TTC28: variants seen among roughly 807,000 people sequenced by gnomAD.
TTC28 encodes tetratricopeptide repeat domain 28, also known as tetratricopeptide repeat protein 28.
TTC28 carries 61 observed loss-of-function variants against 198.0 expected under a neutral mutation model. The ratio of observed to expected loss-of-function variants is 0.31; its 90% CI spans 0.25 to 0.38. The LOEUF is 0.38. TTC28 is among the 10% of genes least tolerant of loss of function. The pLI is 1.00. For synonymous variants in TTC28, 1,171 were observed against 1,297.8 expected (o/e 0.90, Z 2.10); for missense variants, 2,678 against 3,164.0 (o/e 0.85, Z 3.69).
At chr22:28,410,928 T>A (rs1372530182) in intron 2 of TTC28, among the ~76,000 whole-genome samples, 1 of 152,186 alleles carries the variant, frequency 6.6e-6, no homozygotes, top group Non-Finnish European at 1.5e-5. Flanking sequence ...ATATTTTTCA[T>A]TAATAATTCT....
At chr22:28,111,044 T>C (rs531807357) in intron 6 of TTC28, among the ~76,000 whole-genome samples, 6 of 152,254 alleles carry the variant, frequency 3.9e-5, no homozygotes, top group African/African-American at 7.2e-5. Flanking sequence ...TTTAGTAGCA[T>C]TGTGTATAGA....
intron 6 of TTC28, among the ~76,000 whole-genome samples, chr22:28,143,722 G>A (rs942409377): frequency 6.6e-5 from 10 of 152,068 alleles, no homozygotes; most frequent in African/African-American, 2.4e-4. Context: ...ATATTTAGAA[G>A]AAAACAAAAT....
chr22:28,159,357 C>T (rs1943831977), intron 6 of TTC28, among the ~76,000 whole-genome samples: 2 of 152,134 alleles, frequency 1.3e-5, no homozygotes, highest in South Asian at 4.1e-4. Context: ...TCAAAAAAAA[C>T]TAAAAATAGA....
intron 3 of TTC28, among the ~76,000 whole-genome samples, chr22:28,299,724 A>C (rs1468136876): frequency 1.3e-5 from 2 of 152,228 alleles, no homozygotes; most frequent in African/African-American, 2.4e-5. Flanking sequence ...AAAGACTTTT[A>C]AAATATGCTC....
chr22:28,029,723 G>T (rs1319066732), intron 13 of TTC28, among the ~76,000 whole-genome samples: 1 of 152,224 alleles, frequency 6.6e-6, no homozygotes, highest in African/African-American at 2.4e-5. Context: ...GGGAACTGAG[G>T]TCTTGGCACA....
chr22:28,163,726 C>T (rs906257373), intron 5 of TTC28, 127 bp from the exon 6 acceptor site: 33 of 1,040,710 alleles, frequency 3.2e-5, no homozygotes, highest in African/African-American at 1.9e-4. Flanking sequence ...CAGCTCCCAG[C>T]GTGAGTGACG....
chr22:28,363,717 G>T (rs1430351779), intron 2 of TTC28, among the ~76,000 whole-genome samples: 1 of 152,206 alleles, frequency 6.6e-6, no homozygotes, highest in Non-Finnish European at 1.5e-5. Context: ...GGGAACTCTT[G>T]CATCAGTGTG....
At chr22:28,036,331 G>A (rs1338228678) in intron 12 of TTC28, among the ~76,000 whole-genome samples, 1 of 152,202 alleles carries the variant, frequency 6.6e-6, no homozygotes, top group African/African-American at 2.4e-5. Flanking sequence ...TCACACCACA[G>A]TGCAATCACA....
At chr22:28,206,649 C>A (rs1010818768) in intron 5 of TTC28, among the ~76,000 whole-genome samples, 4 of 152,150 alleles carry the variant, frequency 2.6e-5, no homozygotes, top group African/African-American at 9.7e-5. Flanking sequence ...AGGAGCTACA[C>A]TTTGCCTTGA....
intron 2 of TTC28, among the ~76,000 whole-genome samples, chr22:28,326,504 G>T (rs1480161168): frequency 1.3e-5 from 2 of 152,072 alleles, no homozygotes; most frequent in Admixed American, 6.5e-5. Context: ...ACATAAAATG[G>T]TTAAAATGGT....
chr22:28,294,990 A>G (rs1255196258), intron 5 of TTC28, among the ~76,000 whole-genome samples: 1 of 152,184 alleles, frequency 6.6e-6, no homozygotes, highest in East Asian at 1.9e-4. Flanking sequence ...TGTCTCTAGG[A>G]GTCTGATCTC....
At chr22:28,629,434 G>T in intron 2 of TTC28, 118 bp downstream of exon 2, 1 of 1,054,970 alleles carries the variant, frequency 9.5e-7, no homozygotes, top group South Asian at 1.8e-5. Context: ...ATATTTTGCT[G>T]AAGTACAGAT....
At position 28,538,556 on chromosome 22, in the gene TTC28, CTTTTTTTTT is replaced by C. The variant is rs753754141; in HGVS notation, c.381+90987_381+90995del. Among the ~76,000 whole-genome samples the C allele has an allele frequency of 8.2e-5, 9 of 109,522 alleles. No homozygotes were observed. In the East Asian group the frequency reaches 1.2e-3, roughly 15 times the overall value. 71.9% of individuals were successfully genotyped at this position (109,522 alleles called of 152,430 possible). On this transcript the variant is annotated intron_variant, in intron 2 of 22. Transcript: ENST00000397906. Reference sequence around the variant, plus strand: ...ACTGAATTCCCTTTAGCACCTTTCTCTTTTTTTTTTTTTTTTTTTTTGAGACAGAGTCTC... The same window carrying C: ...ACTGAATTCCCTTTAGCACCTTTCTCTTTTTTTTTTTTGAGACAGAGTCTC...
At chr22:28,598,509 CAAAAAAA>C (rs36035176) in intron 2 of TTC28, among the ~76,000 whole-genome samples, 18 of 52,668 alleles carry the variant, frequency 3.4e-4, no homozygotes, top group African/African-American at 7.8e-4. Context: ...ACTACGTCTC[CAAAAAAA>C]AAAAAAAAAA....
At chr22:28,588,330 T>G (rs922986403) in intron 2 of TTC28, among the ~76,000 whole-genome samples, 5 of 152,186 alleles carry the variant, frequency 3.3e-5, no homozygotes, top group Admixed American at 6.5e-5. Flanking sequence ...GCTTAAAATT[T>G]TAAAACACCA....
chr22:28,499,159 AG>A (rs1272619287), intron 2 of TTC28, among the ~76,000 whole-genome samples: 8 of 152,308 alleles, frequency 5.3e-5, no homozygotes, highest in Admixed American at 3.9e-4. Context: ...CCTGGACAAC[AG>A]AGAGAGATCC....
intron 2 of TTC28, among the ~76,000 whole-genome samples, chr22:28,524,015 A>C (rs1016615444): frequency 6.6e-6 from 1 of 152,034 alleles, no homozygotes; most frequent in African/African-American, 2.4e-5. Context: ...ATGAAGGCAA[A>C]GTAGTACTTA....
chr22:28,386,084 G>A (rs1036071572), intron 2 of TTC28, among the ~76,000 whole-genome samples: 2 of 150,854 alleles, frequency 1.3e-5, no homozygotes, highest in Non-Finnish European at 1.5e-5. Context: ...AGACCATCCC[G>A]GCTAAAACGG....
intron 1 of TTC28, among the ~76,000 whole-genome samples, chr22:28,677,177 T>A (rs4276117): frequency 0.29 from 19,231 of 66,434 alleles, 2,802 homozygotes; most frequent in African/African-American, 0.34. Flanking sequence ...AAAAAAAAAA[T>A]ATATATATAT....
Sources: allele counts gnomAD v4.1 joint callset (sites outside exome capture counted in the v4.1 genomes callset), GRCh38; gene constraint gnomAD v4.1.1; transcripts MANE v1.5; gene names NCBI Gene and HGNC (gene_info 2026-07-23, HGNC 2026-07-21).